Variants in UIMC1 observed in about 807,000 individuals in gnomAD.
The protein encoded by UIMC1 is BRCA1-A complex subunit RAP80.
Under a neutral mutation model 84.9 loss-of-function variants are expected in UIMC1, and 42 were observed. That is an observed-to-expected ratio of 0.49 (90% CI 0.39 to 0.64). UIMC1 has a LOEUF of 0.64. Ranked by LOEUF, UIMC1 falls within the 30% of genes least tolerant of loss-of-function variation. The pLI is 0.00. For synonymous variants in UIMC1, 281 were observed against 293.0 expected (o/e 0.96, Z 0.42); for missense variants, 825 against 847.6 (o/e 0.97, Z 0.33).
In UIMC1 at chr5:176,943,460, T is replaced by G; in HGVS notation, c.1472A>C (p.Glu491Ala). ...EVGNKEDAEK[E>A]VAISTFSSSN... Reference sequence around the variant, plus strand: ...GGATGAGAAGGTAGAAATAGCTACTTCCTTCTCAGCATCTTCCTTGTTACC... The same window carrying G: ...GGATGAGAAGGTAGAAATAGCTACTGCCTTCTCAGCATCTTCCTTGTTACC... The change falls in exon 10 of 15, where the codon GAA becomes GCA. Residue 491 changes from glutamate to alanine, a missense_variant. Glu to Ala is a moderately radical substitution (Grantham distance 107). Coordinates refer to ENST00000511320, the MANE Select transcript of UIMC1 (RefSeq NM_001199298.2). 1 of 1,614,070 alleles carries G rather than the reference T, an allele frequency of 6.2e-7. No homozygotes were observed. The highest frequency in any genetic ancestry group is 8.5e-7 in the Non-Finnish European group (1 of 1,179,990).
intron 9 of UIMC1, among the ~76,000 whole-genome samples, chr5:176,946,026 A>G (rs1411829234): frequency 6.6e-6 from 1 of 152,158 alleles, no homozygotes; most frequent in Non-Finnish European, 1.5e-5. Flanking sequence ...CTTCATCCCC[A>G]TGTGACCATC....
chr5:176,909,374 A>C (rs1759818057), intron 11 of UIMC1, among the ~76,000 whole-genome samples: 1 of 152,218 alleles, frequency 6.6e-6, no homozygotes, highest in African/African-American at 2.4e-5. Flanking sequence ...GAAAAAAATG[A>C]GTATTTATTA....
chr5:176,923,874 AAT>A (rs1554109430), intron 10 of UIMC1, among the ~76,000 whole-genome samples: 2 of 146,364 alleles, frequency 1.4e-5, no homozygotes, highest in South Asian at 2.2e-4. Flanking sequence ...AAAAAAAAAA[AAT>A]ATATATATAT....
chr5:176,912,451 T>C (rs935391526), intron 10 of UIMC1, among the ~76,000 whole-genome samples: 1 of 150,158 alleles, frequency 6.7e-6, no homozygotes, highest in African/African-American at 2.5e-5. Flanking sequence ...TGACAAGTAA[T>C]GATACAGTCT....
chr5:176,974,887 G>T (rs1173585252), intron 3 of UIMC1, among the ~76,000 whole-genome samples: 1 of 152,026 alleles, frequency 6.6e-6, no homozygotes, highest in Admixed American at 6.6e-5. Context: ...GCTAACTGGT[G>T]GCTGTCACCT....
chr5:177,002,168 A>G (rs353497), intron 1 of UIMC1: 87,895 of 151,276 alleles, frequency 0.58, 27,357 homozygotes, highest in African/African-American at 0.82. Flanking sequence ...AGTGGCGTGC[A>G]CCTGTAGTCC....
intron 1 of UIMC1, among the ~76,000 whole-genome samples, chr5:176,988,904 G>C (rs926265977): frequency 2.3e-4 from 35 of 152,030 alleles, no homozygotes; most frequent in African/African-American, 8.0e-4. Flanking sequence ...AGATGGTCTC[G>C]ATCTCTCGAC....
chr5:176,938,676 G>A (rs1764025538), intron 10 of UIMC1, among the ~76,000 whole-genome samples: 1 of 152,118 alleles, frequency 6.6e-6, no homozygotes, highest in South Asian at 2.1e-4. Context: ...CCATAGGAGG[G>A]GAAAGGGCCC....
chr5:176,994,842 A>T (rs145270045), intron 1 of UIMC1, among the ~76,000 whole-genome samples: 1,632 of 152,294 alleles, frequency 0.011, 11 homozygotes, highest in South Asian at 0.025. Context: ...GCTTGTGATC[A>T]TGCAGCTGCA....
At chr5:177,003,924 G>C (rs1192505777) in intron 1 of UIMC1, among the ~76,000 whole-genome samples, 3 of 152,130 alleles carry the variant, frequency 2.0e-5, no homozygotes, top group African/African-American at 7.2e-5. Context: ...GACTTCCCAG[G>C]ATCAGGCAAT....
chr5:176,909,084 A>G (rs901039383), intron 11 of UIMC1, among the ~76,000 whole-genome samples: 1 of 152,216 alleles, frequency 6.6e-6, no homozygotes, highest in Non-Finnish European at 1.5e-5. Context: ...GAGCACCAAG[A>G]GCATTAAATT....
At chr5:176,931,957 A>G (rs1763137998) in intron 10 of UIMC1, among the ~76,000 whole-genome samples, 1 of 152,232 alleles carries the variant, frequency 6.6e-6, no homozygotes, top group Non-Finnish European at 1.5e-5. Context: ...TGGGCGACAG[A>G]GCGAGAATCC....
chr5:177,022,598 T>C (rs954495771), exon 1 of UIMC1: 2 of 906,736 alleles, frequency 2.2e-6, no homozygotes, highest in South Asian at 3.8e-5. Flanking sequence ...CAAAGCAAAA[T>C]AAGCGCGGGG....
chr5:176,911,908 A>G (rs1379145046), intron 10 of UIMC1, among the ~76,000 whole-genome samples: 1 of 152,214 alleles, frequency 6.6e-6, no homozygotes, highest in Non-Finnish European at 1.5e-5. Context: ...CCACCTCCCA[A>G]TTCTAGTGGG....
chr5:176,917,937 C>A (rs1393729933), intron 10 of UIMC1, among the ~76,000 whole-genome samples: 1 of 152,182 alleles, frequency 6.6e-6, no homozygotes, highest in South Asian at 2.1e-4. Flanking sequence ...CCAGTCTGGG[C>A]AACAACAGCA....
chr5:176,927,851 CTT>C (rs754815729), intron 10 of UIMC1, among the ~76,000 whole-genome samples: 18 of 136,494 alleles, frequency 1.3e-4, no homozygotes, highest in Admixed American at 2.2e-4. Context: ...GGCCAGCCAG[CTT>C]TTTTTTTTTT....
intron 10 of UIMC1, among the ~76,000 whole-genome samples, chr5:176,939,493 C>T (rs1411545529): frequency 1.3e-5 from 2 of 151,982 alleles, no homozygotes; most frequent in African/African-American, 2.4e-5. Flanking sequence ...TTTACTATAC[C>T]TTTTCTGTGT....
At chr5:176,920,301 TA>T (rs1276947862) in intron 10 of UIMC1, among the ~76,000 whole-genome samples, 1 of 152,200 alleles carries the variant, frequency 6.6e-6, no homozygotes, top group East Asian at 1.9e-4. Context: ...GTGCTGGGAT[TA>T]CAGGCGTGAG....
At chr5:176,914,008 CAT>C (rs1326291703) in intron 10 of UIMC1, among the ~76,000 whole-genome samples, 7 of 151,310 alleles carry the variant, frequency 4.6e-5, no homozygotes, top group East Asian at 3.9e-4. Flanking sequence ...CATACCATAG[CAT>C]ACCATACCAT....
Sources: gnomAD v4.1 joint callset for allele counts (sites outside exome capture counted in the v4.1 genomes callset) on GRCh38, gnomAD v4.1.1 for gene constraint, MANE v1.5 for transcripts, NCBI Gene and HGNC (gene_info 2026-07-23, HGNC 2026-07-21) for gene names.